TPD52L1: variants seen among roughly 807,000 people sequenced by gnomAD.
TPD52L1 encodes tumor protein D53.
In TPD52L1, 18 loss-of-function variants were observed where a neutral mutation model predicts 28.7. That is an observed-to-expected ratio of 0.63 (90% CI 0.43 to 0.93). The LOEUF is 0.93. TPD52L1 is among the 40% of genes least tolerant of loss of function. The probability of loss-of-function intolerance (pLI) is 0.00; values close to 1 mark genes in which losing one functional copy is unlikely to be tolerated. For synonymous variants in TPD52L1, 75 were observed against 88.8 expected (o/e 0.84, Z 0.88); for missense variants, 203 against 254.8 (o/e 0.80, Z 1.39).
chr6:125,214,998 CAG>C (rs1794767826), intron 1 of TPD52L1, among the ~76,000 whole-genome samples: 1 of 152,148 alleles, frequency 6.6e-6, no homozygotes, highest in Non-Finnish European at 1.5e-5. Context: ...CTGTGCCAGA[CAG>C]GGGGCCACAG....
At chr6:125,176,498 T>C (rs905161373) in intron 1 of TPD52L1, among the ~76,000 whole-genome samples, 4 of 152,200 alleles carry the variant, frequency 2.6e-5, no homozygotes, top group Non-Finnish European at 5.9e-5. Flanking sequence ...AGGAAATCAC[T>C]TTCAGAAATA....
intron 4 of TPD52L1, among the ~76,000 whole-genome samples, chr6:125,249,166 A>C (rs2115038260): frequency 6.6e-6 from 1 of 151,202 alleles, no homozygotes; most frequent in African/African-American, 2.4e-5. Context: ...TATTATATAG[A>C]GGTATTACTC....
At chr6:125,204,612 T>G (rs1027550092) in intron 1 of TPD52L1, among the ~76,000 whole-genome samples, 2 of 152,104 alleles carry the variant, frequency 1.3e-5, no homozygotes, top group African/African-American at 2.4e-5. Flanking sequence ...CCCTAGTAGC[T>G]GGGACTACAG....
At chr6:125,185,976 C>A (rs1792591082) in intron 1 of TPD52L1, among the ~76,000 whole-genome samples, 1 of 150,982 alleles carries the variant, frequency 6.6e-6, no homozygotes, top group Admixed American at 6.6e-5. Context: ...TCACTGCAAC[C>A]TCTGCCTCCC....
rs950280104 is a variant in TPD52L1, at chr6:125,263,276, G to T, written c.*314G>T. On this transcript the variant is annotated 3_prime_UTR_variant, in exon 7 of 7. Coordinates refer to ENST00000534000, the MANE Select transcript of TPD52L1 (RefSeq NM_003287.4). ...ATATTTTTCCAAACATGTAGCTATT[G>T]TTTGCTTTGATTTTTGCTTGGCCTC... 3 of 281,818 alleles carry T rather than the reference G, an allele frequency of 1.1e-5. No homozygotes were observed. The highest frequency in any genetic ancestry group is 2.0e-5 in the Non-Finnish European group (3 of 148,524). The allele number at this position is 281,818 out of a possible 1,614,324, so 17.5% of individuals were successfully genotyped here. A position where few individuals can be genotyped will look rare whatever the true frequency, so the allele number is the denominator to read the frequency against.
At chr6:125,206,672 T>A (rs1794163543) in intron 1 of TPD52L1, among the ~76,000 whole-genome samples, 1 of 152,184 alleles carries the variant, frequency 6.6e-6, no homozygotes, top group Admixed American at 6.5e-5. Flanking sequence ...GGACTTTGAA[T>A]GATTATATAA....
In TPD52L1 at chr6:125,191,513, A is replaced by G. The variant is rs3799759; in HGVS notation, c.20-28565A>G. Among the ~76,000 whole-genome samples the G allele has an allele frequency of 1.8e-4, 28 of 152,334 alleles. No homozygotes were observed. In the East Asian group the frequency reaches 5.0e-3, roughly 27 times the overall value. ...AATTGTGTTCTTTCTTCTAACTGAA[A>G]CAGTGCAGAGGAACCTACCCATTGT... On this transcript the variant is annotated intron_variant, in intron 1 of 6. Transcript: ENST00000534000.
chr6:125,167,726 C>T (rs1791002392), intron 1 of TPD52L1, among the ~76,000 whole-genome samples: 1 of 152,078 alleles, frequency 6.6e-6, no homozygotes, highest in Non-Finnish European at 1.5e-5. Context: ...TACAGGTCCT[C>T]CTACCAGTAG....
At chr6:125,182,734 T>C (rs926360041) in intron 1 of TPD52L1, among the ~76,000 whole-genome samples, 7 of 152,232 alleles carry the variant, frequency 4.6e-5, no homozygotes, top group African/African-American at 1.4e-4. Flanking sequence ...AATATTGCCA[T>C]ACAGGATCGA....
intron 1 of TPD52L1, among the ~76,000 whole-genome samples, chr6:125,186,343 A>T (rs903404428): frequency 2.0e-5 from 3 of 152,202 alleles, no homozygotes; most frequent in Non-Finnish European, 4.4e-5. Flanking sequence ...GTAATATCAA[A>T]TGGGTATGAC....
intron 1 of TPD52L1, among the ~76,000 whole-genome samples, chr6:125,160,905 G>A: frequency 6.7e-6 from 1 of 148,564 alleles, no homozygotes. Context: ...AGGCTGGAGT[G>A]CAGTGGCACG....
chr6:125,185,775 C>A (rs1364807515), intron 1 of TPD52L1, among the ~76,000 whole-genome samples: 1 of 151,870 alleles, frequency 6.6e-6, no homozygotes, highest in African/African-American at 2.4e-5. Flanking sequence ...GGGTAATATA[C>A]AAACCCCCTC....
chr6:125,168,708 G>A (rs1358143611), intron 1 of TPD52L1, among the ~76,000 whole-genome samples: 1 of 151,992 alleles, frequency 6.6e-6, no homozygotes, highest in Non-Finnish European at 1.5e-5. Flanking sequence ...AGTAGAGATG[G>A]GGTTTCACCA....
At chr6:125,252,997 A>G (rs998780019) in intron 4 of TPD52L1, 1 of 152,264 alleles carries the variant, frequency 6.6e-6, no homozygotes, top group African/African-American at 2.4e-5. Flanking sequence ...GCTCCTCCCC[A>G]TGCCCAGCCT....
At chr6:125,230,758 T>C (rs1333197049) in intron 3 of TPD52L1, among the ~76,000 whole-genome samples, 1 of 152,188 alleles carries the variant, frequency 6.6e-6, no homozygotes, top group African/African-American at 2.4e-5. Flanking sequence ...AGCAGTCCTA[T>C]TGGGCTCTAT....
intron 1 of TPD52L1, among the ~76,000 whole-genome samples, chr6:125,159,800 T>G (rs868493823): frequency 1.3e-5 from 2 of 152,314 alleles, no homozygotes; most frequent in South Asian, 4.1e-4. Flanking sequence ...TTAATCTCTT[T>G]GTACATCTCC....
chr6:125,200,650 G>C (rs372213375), intron 1 of TPD52L1, among the ~76,000 whole-genome samples: 1 of 152,276 alleles, frequency 6.6e-6, no homozygotes, highest in South Asian at 2.1e-4. Context: ...ACAAATGCAT[G>C]GATGTTCATG....
chr6:125,233,048 C>G (rs1416776348), intron 3 of TPD52L1, among the ~76,000 whole-genome samples: 1 of 152,114 alleles, frequency 6.6e-6, no homozygotes, highest in Non-Finnish European at 1.5e-5. Flanking sequence ...TTATGGTGGG[C>G]TATTCAAAGC....
Position 125,154,464 on chromosome 6 carries a change from C to T in TPD52L1, c.19+494C>T, listed in dbSNP as rs1441217163. On this transcript the variant is annotated intron_variant, in intron 1 of 6. Transcript: ENST00000534000. ...GCAGCCCGGCTGCGCGAGACGCTTC[C>T]CGCTCGGGGACCCGCCTTCCGAGGC... is the stretch of plus-strand genomic sequence containing the variant. The T allele has an allele frequency of 5.1e-6, 5 of 985,994 alleles. No individual in the cohort carries two copies. In the East Asian group the frequency reaches 5.7e-4, roughly 112 times the overall value. 61.1% of individuals were successfully genotyped at this position (985,994 alleles called of 1,614,324 possible).
Sources: gnomAD v4.1 joint callset for allele counts (sites outside exome capture counted in the v4.1 genomes callset) on GRCh38, gnomAD v4.1.1 for gene constraint, MANE v1.5 for transcripts, NCBI Gene and HGNC (gene_info 2026-07-23, HGNC 2026-07-21) for gene names.